Variants in GTPBP1 observed in about 807,000 individuals in gnomAD.
GTPBP1 encodes the protein GTP binding protein 1, also known as GTP-binding protein 1.
GTPBP1 carries 23 observed loss-of-function variants against 62.0 expected under a neutral mutation model. The ratio of observed to expected loss-of-function variants is 0.37; its 90% CI spans 0.27 to 0.53. The LOEUF (loss-of-function observed/expected upper bound fraction) is 0.53. Ranked by LOEUF, GTPBP1 falls within the 20% of genes least tolerant of loss-of-function variation. GTPBP1 has a pLI of 0.89. For synonymous variants in GTPBP1, 344 were observed against 364.4 expected (o/e 0.94, Z 0.64); for missense variants, 640 against 917.3 (o/e 0.70, Z 3.90).
At chr22:38,717,750 T>C (rs1449259358) in intron 4 of GTPBP1, among the ~76,000 whole-genome samples, 1 of 152,170 alleles carries the variant, frequency 6.6e-6, no homozygotes, top group East Asian at 1.9e-4. Context: ...CCCACTGATC[T>C]TCCTCCCTGG....
chr22:38,738,394 C>G (rs944534923), downstream of GTPBP1: 2 of 1,096,540 alleles, frequency 1.8e-6, no homozygotes, highest in Non-Finnish European at 2.6e-6. This position sits in a 1 kb window ranked among gnomAD's most constrained non-coding sequence, Gnocchi z 6.6. Flanking sequence ...ACTTCACTCT[C>G]TTGTGCCACA....
downstream of GTPBP1, chr22:38,734,764 A>C (rs555659229): frequency 5.7e-6 from 1 of 176,322 alleles, no homozygotes; most frequent in African/African-American, 2.4e-5. Context: ...TTGCATAGGC[A>C]TAAATTAGGA....
At chr22:38,734,347 C>T (rs916406105), downstream of GTPBP1, 20 of 452,242 alleles carry the variant, frequency 4.4e-5, no homozygotes, top group Non-Finnish European at 7.3e-5. Flanking sequence ...GGGCAAATAG[C>T]GAATTCCCAT....
At chr22:38,737,659 G>A (rs141432879), downstream of GTPBP1, 217 of 343,898 alleles carry the variant, frequency 6.3e-4, 1 homozygote, top group Middle Eastern at 3.2e-3. This position sits in a 1 kb window ranked among gnomAD's most constrained non-coding sequence, Gnocchi z 4.1. Flanking sequence ...CCCCCGGTGT[G>A]GGGCTTAGGC....
rs1391488027 is a variant in GTPBP1 at position 38,733,343 on chromosome 22, C to G, written c.*2639C>G. On this transcript the variant is annotated 3_prime_UTR_variant, in exon 12 of 12. Transcript: ENST00000216044. Reference sequence around the variant, plus strand: ...AAACAAACAGCAGTACTTGCCAGAACCATTCTTGGGATTCAGGAGCTCGGG... The same window carrying G: ...AAACAAACAGCAGTACTTGCCAGAAGCATTCTTGGGATTCAGGAGCTCGGG... The G allele has an allele frequency of 6.6e-6, 1 of 152,274 alleles. No homozygotes were observed. The highest frequency in any genetic ancestry group is 1.5e-5 in the Non-Finnish European group (1 of 68,066). The allele number at this position is 152,274 out of a possible 1,614,324, so 9.4% of individuals were successfully genotyped here.
At chr22:38,737,884 C>T, downstream of GTPBP1, 1 of 621,872 alleles carries the variant, frequency 1.6e-6, no homozygotes. The surrounding 1 kb of genome is among the most constrained non-coding windows in gnomAD (Gnocchi z 4.1). Flanking sequence ...AACGCCTCTC[C>T]CGGCCTTCCT....
Position 38,716,005 on chromosome 22 carries a change from C to T in GTPBP1, c.403C>T (p.Arg135Trp), listed in dbSNP as rs1370141812. The T allele has an allele frequency of 9.3e-6, 15 of 1,613,886 alleles. No homozygotes were observed. Among genetic ancestry groups the T allele is most frequent in the South Asian group, 2.2e-5 (2 of 91,076 alleles). ...GATAGAGGCCGATGTCATCCTTCTG[C>T]GGGAACGGCAAGAAGCTGGGGGCCG... is the stretch of plus-strand genomic sequence containing the variant. Reference protein sequence around the residue: ...EQIEADVILLRERQEAGGRVR... With the variant: ...EQIEADVILLWERQEAGGRVR... The change falls in exon 3 of 12, where the codon CGG becomes TGG. Residue 135 changes from arginine (R) to tryptophan (W), a missense_variant. Physicochemically the swap from Arg to Trp is moderately radical, Grantham distance 101. This residue lies in a region of GTPBP1 where 215 missense variants were observed against 235.1 expected (regional missense o/e 0.91). Coordinates refer to ENST00000216044, the MANE Select transcript of GTPBP1 (RefSeq NM_004286.5). The surrounding 1 kb of genome is among the most constrained non-coding windows in gnomAD (Gnocchi z 5.2).
downstream of GTPBP1, chr22:38,736,191 G>C: frequency 2.2e-6 from 3 of 1,382,470 alleles, no homozygotes; most frequent in Non-Finnish European, 1.0e-6. Flanking sequence ...AGAGCGCCGA[G>C]CAAGCGTGTG....
rs970306363 is a variant in GTPBP1 at position 38,724,540 on chromosome 22, T to C, written c.1073+129T>C. 7 of 613,354 alleles carry C rather than the reference T, an allele frequency of 1.1e-5. No homozygotes were observed. The African/African-American group carries it at 1.3e-4, about 11-fold the overall frequency. The allele number at this position is 613,354 out of a possible 1,614,324, so 38.0% of individuals were successfully genotyped here. ...AAAACACCACATCAACACCTCTCCC[T>C]ATTCAGAGATCGGAGGAAATAGAAG... On this transcript the variant is annotated intron_variant, in intron 6 of 11. Transcript: ENST00000216044.
chr22:38,729,470 G>A lies in GTPBP1; in HGVS notation c.1725G>A (p.Gln575=), dbSNP rs1569286040. 1 of 1,602,654 alleles carries A rather than the reference G, an allele frequency of 6.2e-7. No homozygotes were observed. Among genetic ancestry groups the A allele is most frequent in the Admixed American group, 1.7e-5 (1 of 58,456 alleles). ...KAVGTITKLL[Q]TTNNSPMNSK... ...CTCCATGGCTCCCACAGCTCCTCCA[G>A]ACCACCAACAACTCCCCAATGAACT... is the stretch of plus-strand genomic sequence containing the variant. The change falls in exon 11 of 12, where the codon CAG becomes CAA. Residue 575 remains glutamine, a synonymous_variant. Transcript: ENST00000216044.
downstream of GTPBP1, chr22:38,739,341 C>A (rs767066982): frequency 6.2e-7 from 1 of 1,613,030 alleles, no homozygotes; most frequent in Non-Finnish European, 8.5e-7. The surrounding 1 kb of genome is among the most constrained non-coding windows in gnomAD (Gnocchi z 6.7). Flanking sequence ...AGAGCACGTA[C>A]CTCCTGACTC....
intron 2 of GTPBP1, among the ~76,000 whole-genome samples, chr22:38,715,137 T>G (rs181309029): frequency 6.6e-6 from 1 of 152,322 alleles, no homozygotes; most frequent in East Asian, 1.9e-4. Flanking sequence ...GACTCCCCCC[T>G]TACTGGTCTC....
chr22:38,741,492 A>T, downstream of GTPBP1: 1 of 1,613,850 alleles, frequency 6.2e-7, no homozygotes, highest in Non-Finnish European at 8.5e-7. Flanking sequence ...AAGCCCGCTG[A>T]CCTGGGAGGC....
At chr22:38,739,790 C>A, downstream of GTPBP1, 1 of 1,613,616 alleles carries the variant, frequency 6.2e-7, no homozygotes, top group Non-Finnish European at 8.5e-7. This position sits in a 1 kb window ranked among gnomAD's most constrained non-coding sequence, Gnocchi z 6.7. Flanking sequence ...GCTTCCCTGG[C>A]CGACTTGCCC....
chr22:38,738,904 T>C (rs1030362612), downstream of GTPBP1: 4 of 1,610,390 alleles, frequency 2.5e-6, no homozygotes, highest in Non-Finnish European at 2.5e-6. This position sits in a 1 kb window ranked among gnomAD's most constrained non-coding sequence, Gnocchi z 6.6. Context: ...CTGGGAGTGG[T>C]ACCACAGGGG....
intron 4 of GTPBP1, among the ~76,000 whole-genome samples, 154 bp from the exon 5 acceptor site, chr22:38,721,588 C>T (rs2092700935): frequency 6.6e-6 from 1 of 152,162 alleles, no homozygotes; most frequent in Non-Finnish European, 1.5e-5. Flanking sequence ...TTGCAAGTCT[C>T]CTCCGATTTT....
At chr22:38,719,928 TCTTTTTTTTTTTTTTTTTGAGA>T (rs1245400131) in intron 4 of GTPBP1, among the ~76,000 whole-genome samples, 1 of 147,310 alleles carries the variant, frequency 6.8e-6, no homozygotes, top group African/African-American at 2.6e-5. Context: ...TTTCTTTCTT[TCTTTTTTTTTTTTTTTTTGAGA>T]CGGAGTCTCG....
chr22:38,731,043 T>TGTGTGTGTGG lies in GTPBP1; in HGVS notation c.*346_*347insTGGGTGTGTG, dbSNP rs1569287419. The stretch of plus-strand genomic sequence containing the variant: ...GTGTGTGTGTGTGTGTGTGTGTGTG[T>TGTGTGTGTGG]GTGTGTGGTGCAGGAGTGCCACCCC... On this transcript the variant is annotated 3_prime_UTR_variant, in exon 12 of 12. Transcript: ENST00000216044. The TGTGTGTGTGG allele has an allele frequency of 1.6e-4, 38 of 239,658 alleles. 1 individual carries two copies. The South Asian group carries it at 2.2e-3, about 14-fold the overall frequency. The allele number at this position is 239,658 out of a possible 1,614,324, so 14.8% of individuals were successfully genotyped here. A position where few individuals can be genotyped will look rare whatever the true frequency, so the allele number is the denominator to read the frequency against.
chr22:38,727,522 C>T lies in GTPBP1; in HGVS notation c.1537+174C>T, dbSNP rs1414929001. Among the ~76,000 whole-genome samples the T allele has an allele frequency of 1.3e-5, 2 of 151,592 alleles. No homozygotes were observed. The highest frequency in any genetic ancestry group is 1.3e-4 in the Admixed American group (2 of 15,234). ...ATGAGCCGCAGTGTTGATTCCTTCC[C>T]ACAAACACTGAGGGCTGGGCTCTTG... On this transcript the variant is annotated intron_variant, in intron 9 of 11. Transcript: ENST00000216044. The surrounding 1 kb of genome is among the most constrained non-coding windows in gnomAD (Gnocchi z 6.5).
Sources: gnomAD v4.1 joint callset for allele counts (sites outside exome capture counted in the v4.1 genomes callset) on GRCh38, gnomAD v4.1.1 for gene constraint, gnomAD v4.1.1 regional missense constraint, Gnocchi (gnomAD v3.1) non-coding constraint, MANE v1.5 for transcripts, NCBI Gene and HGNC (gene_info 2026-07-23, HGNC 2026-07-21) for gene names.